The following CEP112 variants were observed in gnomAD, a reference collection of about 807,000 sequenced individuals.
The protein encoded by CEP112 is centrosomal protein of 112 kDa.
Under a neutral mutation model 153.0 loss-of-function variants are expected in CEP112, and 127 were observed. That is an observed-to-expected ratio of 0.83 (90% CI 0.72 to 0.96). The LOEUF is 0.96. Among genes scored for constraint, CEP112 ranks in the 40% least tolerant of loss-of-function variants. The pLI is 0.00. For synonymous variants in CEP112, 358 were observed against 374.4 expected (o/e 0.96, Z 0.51); for missense variants, 1,089 against 1,101.2 (o/e 0.99, Z 0.16).
intron 24 of CEP112, among the ~76,000 whole-genome samples, chr17:65,658,240 G>A (rs986965520): frequency 2.0e-5 from 3 of 152,214 alleles, no homozygotes; most frequent in African/African-American, 4.8e-5. Flanking sequence ...ACTGGGAGGT[G>A]GAGAAGGGAA....
At chr17:65,778,503 T>C (rs2145599834) in intron 21 of CEP112, among the ~76,000 whole-genome samples, 1 of 152,324 alleles carries the variant, frequency 6.6e-6, no homozygotes, top group Non-Finnish European at 1.5e-5. Context: ...TGAAAATGTG[T>C]CTTCTTTCTG....
intron 4 of CEP112, among the ~76,000 whole-genome samples, chr17:66,147,261 G>A (rs1202073949): frequency 6.6e-6 from 1 of 151,968 alleles, no homozygotes; most frequent in African/African-American, 2.4e-5. Flanking sequence ...GTGATGTTGA[G>A]CAACTTTTCA....
chr17:65,791,322 C>A (rs966763567), intron 21 of CEP112, among the ~76,000 whole-genome samples: 5 of 152,142 alleles, frequency 3.3e-5, no homozygotes, highest in African/African-American at 1.2e-4. Flanking sequence ...GCCAGAGTAA[C>A]AGGAGAAAAA....
intron 1 of CEP112, among the ~76,000 whole-genome samples, chr17:66,184,390 G>A (rs2072845107): frequency 6.6e-6 from 1 of 152,032 alleles, no homozygotes; most frequent in African/African-American, 2.4e-5. Context: ...TCTCATACGA[G>A]ACTTGTATCA....
intron 21 of CEP112, among the ~76,000 whole-genome samples, chr17:65,842,482 G>A (rs1292694813): frequency 2.0e-5 from 3 of 152,110 alleles, no homozygotes; most frequent in Admixed American, 2.0e-4. Flanking sequence ...AACTGTGAAA[G>A]CCATTGAGAA....
intron 21 of CEP112, among the ~76,000 whole-genome samples, chr17:65,801,205 C>T (rs1052437758): frequency 3.3e-5 from 5 of 152,116 alleles, no homozygotes; most frequent in Non-Finnish European, 7.4e-5. Flanking sequence ...ACTACAGGCA[C>T]ATGCCACTAC....
In CEP112 at chr17:65,902,235, T is replaced by C. The variant is rs74004953; in HGVS notation, c.2080A>G (p.Ile694Val). The C allele has an allele frequency of 3.2e-3, 5,090 of 1,614,004 alleles. 160 individuals carry two copies. The African/African-American group carries it at 0.06, about 19-fold the overall frequency. Residue 694 changes from isoleucine to valine, a missense_variant, in exon 20 of 27, where the codon ATT (isoleucine) becomes GTT (valine). Transcript: ENST00000535342. Reference sequence around the variant, plus strand: ...CGAAGCTGTTTTTCCAGGTTTTCAATTTCCCGTTCATGGTCTCGGACTAGG... The same window carrying C: ...CGAAGCTGTTTTTCCAGGTTTTCAACTTCCCGTTCATGGTCTCGGACTAGG... ...DSLVRDHERE[I>V]ENLEKQLRAA...
chr17:65,912,483 A>G (rs1414950532), intron 19 of CEP112, among the ~76,000 whole-genome samples: 1 of 152,112 alleles, frequency 6.6e-6, no homozygotes, highest in Non-Finnish European at 1.5e-5. Context: ...ACCCTAGTAA[A>G]GGCCATATCC....
intron 21 of CEP112, among the ~76,000 whole-genome samples, chr17:65,793,050 G>T (rs1247676936): frequency 6.6e-6 from 1 of 152,058 alleles, no homozygotes; most frequent in African/African-American, 2.4e-5. Context: ...CTGCACTGGT[G>T]GGGGGCGAGG....
At chr17:65,886,894 T>C (rs2059298912) in intron 20 of CEP112, among the ~76,000 whole-genome samples, 2 of 152,160 alleles carry the variant, frequency 1.3e-5, no homozygotes, top group African/African-American at 4.8e-5. Context: ...ATAACATTAA[T>C]GCTTACTCAA....
chr17:65,638,497 A>G (rs1299083588), intron 25 of CEP112, among the ~76,000 whole-genome samples: 2 of 152,188 alleles, frequency 1.3e-5, no homozygotes, highest in Non-Finnish European at 2.9e-5. Context: ...AAGAAAACAC[A>G]GTCTTTCTAA....
At chr17:65,751,034 AAG>A (rs761909400) in intron 21 of CEP112, 19 of 246,060 alleles carry the variant, frequency 7.7e-5, no homozygotes, top group Non-Finnish European at 1.2e-4. Context: ...AAGTAAGGGA[AAG>A]AGAGAAGAAA....
intron 17 of CEP112, among the ~76,000 whole-genome samples, chr17:65,999,653 T>G (rs919516736): frequency 1.3e-5 from 2 of 152,060 alleles, no homozygotes; most frequent in Admixed American, 1.3e-4. Context: ...GTTGTACAGA[T>G]TATTTCATCA....
chr17:65,890,038 TTAATA>T (rs1239358412), intron 20 of CEP112, among the ~76,000 whole-genome samples: 4 of 152,218 alleles, frequency 2.6e-5, no homozygotes, highest in Non-Finnish European at 5.9e-5. Flanking sequence ...TGTAACACTA[TTAATA>T]TGTTAAATAC....
At chr17:65,978,123 G>A (rs1231101347) in intron 17 of CEP112, among the ~76,000 whole-genome samples, 1 of 151,980 alleles carries the variant, frequency 6.6e-6, no homozygotes, top group Non-Finnish European at 1.5e-5. Flanking sequence ...CAGGCATGGT[G>A]GTGCATACCT....
chr17:65,705,717 G>T (rs1230717338), intron 23 of CEP112, among the ~76,000 whole-genome samples: 3 of 152,140 alleles, frequency 2.0e-5, no homozygotes, highest in Non-Finnish European at 2.9e-5. Flanking sequence ...GTGAGGAAGG[G>T]TCTGCTTTAG....
At chr17:66,040,540 A>G (rs1234887701) in intron 12 of CEP112, among the ~76,000 whole-genome samples, 1 of 131,252 alleles carries the variant, frequency 7.6e-6, no homozygotes, top group Non-Finnish European at 1.5e-5. Context: ...TCTGTTGCCC[A>G]GGCTAGAGTG....
chr17:66,134,156 A>C (rs1365620283), intron 4 of CEP112, among the ~76,000 whole-genome samples: 1 of 152,248 alleles, frequency 6.6e-6, no homozygotes, highest in African/African-American at 2.4e-5. Flanking sequence ...CTATACTTAA[A>C]AATTGAAAAA....
intron 21 of CEP112, among the ~76,000 whole-genome samples, chr17:65,804,171 G>A (rs758136603): frequency 3.9e-5 from 6 of 152,030 alleles, no homozygotes; most frequent in African/African-American, 1.2e-4. Flanking sequence ...AATGTGTTTC[G>A]TCTGGTTTCC....
Sources: gnomAD v4.1 joint callset for allele counts (sites outside exome capture counted in the v4.1 genomes callset) on GRCh38, gnomAD v4.1.1 for gene constraint, MANE v1.5 for transcripts, NCBI Gene and HGNC (gene_info 2026-07-23, HGNC 2026-07-21) for gene names.